MID1: variants seen among roughly 807,000 people sequenced by gnomAD.
The protein encoded by MID1 is midline 1.
MID1 carries 7 observed loss-of-function variants against 40.4 expected under a neutral mutation model. The observed-to-expected ratio is 0.17, with a 90% confidence interval of 0.10 to 0.33. The LOEUF is 0.33. Ranked by LOEUF, MID1 falls within the 10% of genes least tolerant of loss-of-function variation. The pLI is 1.00. For synonymous variants in MID1, 229 were observed against 221.2 expected (o/e 1.04, Z -0.31); for missense variants, 367 against 558.5 (o/e 0.66, Z 3.46).
chrX:10,805,433 G>C (rs747625128), intron 1 of MID1, among the ~76,000 whole-genome samples: 1 of 107,885 alleles, frequency 9.3e-6, no homozygotes, highest in Non-Finnish European at 1.9e-5. Flanking sequence ...GTATTCCATG[G>C]TGTATATGTG....
chrX:10,795,602 T>C (rs1273700159), intron 1 of MID1, among the ~76,000 whole-genome samples: 1 of 112,508 alleles, frequency 8.9e-6, no homozygotes, highest in Non-Finnish European at 1.9e-5. Flanking sequence ...TTAAAACTGG[T>C]TTCAAACCAG....
intron 2 of MID1, among the ~76,000 whole-genome samples, chrX:10,535,723 T>C (rs1602366622): frequency 8.9e-6 from 1 of 112,114 alleles, no homozygotes; most frequent in African/African-American, 3.2e-5. Context: ...AGAAGTGTAC[T>C]ACAGATGTTT....
chrX:10,596,245 TTAAACA>T (rs1383612750), intron 1 of MID1, among the ~76,000 whole-genome samples: 1 of 111,084 alleles, frequency 9.0e-6, no homozygotes, highest in African/African-American at 3.3e-5. Flanking sequence ...AGGGGGTGCT[TTAAACA>T]TAAGAGAAAA....
intron 1 of MID1, among the ~76,000 whole-genome samples, chrX:10,656,032 A>T (rs1383209038): frequency 8.9e-6 from 1 of 112,168 alleles, no homozygotes; most frequent in Non-Finnish European, 1.9e-5. Flanking sequence ...TTTGTTATGC[A>T]GCGCTGGATA....
chrX:10,518,110 T>C (rs758357148), intron 3 of MID1, among the ~76,000 whole-genome samples: 7 of 112,064 alleles, frequency 6.2e-5, no homozygotes, highest in African/African-American at 2.3e-4. Flanking sequence ...CCAGAAATAT[T>C]TGTTTAGCAA....
At chrX:10,519,002 G>A (rs1245648260) in intron 3 of MID1, among the ~76,000 whole-genome samples, 1 of 112,107 alleles carries the variant, frequency 8.9e-6, no homozygotes, top group Non-Finnish European at 1.9e-5. Flanking sequence ...ATCTTAGAAT[G>A]TAATTTTACA....
intron 2 of MID1, among the ~76,000 whole-genome samples, chrX:10,553,311 T>C (rs758103398): frequency 2.8e-3 from 311 of 110,142 alleles, no homozygotes; most frequent in Middle Eastern, 9.5e-3. Context: ...TATATATACG[T>C]ATGAACCCTG....
intron 8 of MID1, among the ~76,000 whole-genome samples, chrX:10,458,615 ATC>A (rs1928832308): frequency 8.9e-6 from 1 of 111,849 alleles, no homozygotes; most frequent in South Asian, 3.7e-4. Context: ...AAAATAAAAA[ATC>A]TATTTAAAAA....
At chrX:10,494,164 C>T (rs1931104478) in intron 4 of MID1, among the ~76,000 whole-genome samples, 1 of 112,204 alleles carries the variant, frequency 8.9e-6, no homozygotes, top group African/African-American at 3.2e-5. Flanking sequence ...ACTATACCAG[C>T]ATCAATAACT....
intron 1 of MID1, among the ~76,000 whole-genome samples, chrX:10,748,635 C>T (rs1402152043): frequency 9.0e-6 from 1 of 111,689 alleles, no homozygotes; most frequent in Non-Finnish European, 1.9e-5. Flanking sequence ...GAATGGAAGA[C>T]AAAATAGGGT....
Position 10,449,571 on chromosome X carries a change from G to A in MID1, c.1801C>T (p.Leu601Phe). 1.7e-6 allele frequency: 2 copies of A among 1,211,986 alleles called. No individual in the cohort carries two copies. The highest frequency in any genetic ancestry group is 2.2e-6 in the Non-Finnish European group (2 of 895,577). ...KEIPIEPAPH[L>F]RRVGILLDYD... ...TCCAGCAGGATGCCCACGCGCCGGA[G>A]GTGGGGGGCAGGCTCAATGGGGATT... The change falls in exon 10 of 10, where the codon CTC becomes TTC. Residue 601 changes from leucine (L) to phenylalanine (F), a missense_variant. By Grantham distance (22) the Leu-to-Phe change is conservative. This residue lies in a region of MID1 where 275 missense variants were observed against 383.1 expected (regional missense o/e 0.72). Coordinates refer to ENST00000317552, the MANE Select transcript of MID1 (RefSeq NM_000381.4).
chrX:10,510,897 C>T (rs1212541899), intron 3 of MID1, among the ~76,000 whole-genome samples: 2 of 103,728 alleles, frequency 1.9e-5, no homozygotes, highest in African/African-American at 7.1e-5. Context: ...TGCAATATTG[C>T]TTTGAAACCT....
At chrX:10,695,365 G>A (rs777543394) in intron 1 of MID1, among the ~76,000 whole-genome samples, 2 of 111,370 alleles carry the variant, frequency 1.8e-5, no homozygotes, top group South Asian at 3.8e-4. Flanking sequence ...GGGCTCAAGC[G>A]ACCCACCTGC....
chrX:10,591,200 A>G, intron 1 of MID1, among the ~76,000 whole-genome samples: 2 of 112,587 alleles, frequency 1.8e-5, no homozygotes, highest in Middle Eastern at 4.6e-3. Context: ...AAATATGAAT[A>G]CTGATTAGAG....
intron 7 of MID1, among the ~76,000 whole-genome samples, chrX:10,465,902 T>C (rs1439201427): frequency 1.8e-5 from 2 of 112,051 alleles, no homozygotes; most frequent in Non-Finnish European, 3.8e-5. Flanking sequence ...AACTGCTAAG[T>C]TTTTGGAAAT....
chrX:10,665,780 G>A (rs759170653), intron 1 of MID1, among the ~76,000 whole-genome samples: 1 of 109,896 alleles, frequency 9.1e-6, no homozygotes, highest in South Asian at 4.0e-4. Context: ...CACCCACCTC[G>A]GCCTCCCAAA....
intron 7 of MID1, 104 bp downstream of exon 7, chrX:10,469,593 G>A: frequency 8.3e-7 from 1 of 1,209,923 alleles, no homozygotes. Flanking sequence ...TAAATATTGT[G>A]TGTTCTTTCC....
chrX:10,508,654 G>C (rs968289059), intron 3 of MID1, among the ~76,000 whole-genome samples: 2 of 111,499 alleles, frequency 1.8e-5, no homozygotes, highest in African/African-American at 6.5e-5. Flanking sequence ...CCAGGGGTGA[G>C]GAAGATGAGA....
Position 10,452,385 on chromosome X carries a change from T to C in MID1, c.1655+2485A>G, listed in dbSNP as rs74843973. Among the ~76,000 whole-genome samples, 6 of 112,448 alleles carry C rather than the reference T, an allele frequency of 5.3e-5. No homozygotes were observed. In the East Asian group the frequency reaches 1.7e-3, roughly 31 times the overall value. ...AAAGGAAAATACCATTATAGTATCA[T>C]TAATCTGTGAAACTAGGTACATATT... is the stretch of plus-strand genomic sequence containing the variant. On this transcript the variant is annotated intron_variant, in intron 9 of 9. Transcript: ENST00000317552.
Sources: allele counts gnomAD v4.1 joint callset (sites outside exome capture counted in the v4.1 genomes callset), GRCh38; gene constraint gnomAD v4.1.1; regional missense constraint gnomAD v4.1.1; transcripts MANE v1.5; gene names NCBI Gene and HGNC (gene_info 2026-07-23, HGNC 2026-07-21).